DGAT2: variants seen among roughly 807,000 people sequenced by gnomAD.
DGAT2 encodes the protein acyl-CoA retinol O-fatty-acyltransferase.
Under a neutral mutation model 48.4 loss-of-function variants are expected in DGAT2, and 33 were observed. The ratio of observed to expected loss-of-function variants is 0.68; its 90% CI spans 0.52 to 0.91. The LOEUF (loss-of-function observed/expected upper bound fraction) is 0.91, where lower values mean the gene tolerates loss of function less well. Ranked by LOEUF, DGAT2 falls within the 40% of genes least tolerant of loss-of-function variation. DGAT2 has a pLI of 0.00. For missense variants in DGAT2, 446 were observed against 493.7 expected (o/e 0.90, Z 0.92); for synonymous variants, 191 against 194.1 (o/e 0.98, Z 0.13).
At position 75,800,646 on chromosome 11, in the gene DGAT2, G is replaced by T; in HGVS notation, c.*138G>T. ...TTTTGCTAAACCATTACAATGTTAG[G>T]TCTTTTTTAAGAAGGAAAAAGTCAG... On this transcript the variant is annotated 3_prime_UTR_variant, in exon 8 of 8. Transcript: ENST00000228027. 9.0e-7 allele frequency: 1 copy of T among 1,111,056 alleles called. No homozygotes were observed. 68.8% of individuals were successfully genotyped at this position (1,111,056 alleles called of 1,614,324 possible). A position where few individuals can be genotyped will look rare whatever the true frequency, so the allele number is the denominator to read the frequency against.
intron 1 of DGAT2, among the ~76,000 whole-genome samples, chr11:75,770,869 A>T (rs1944750249): frequency 6.6e-6 from 1 of 152,034 alleles, no homozygotes; most frequent in Non-Finnish European, 1.5e-5. Context: ...TGAAATGCAA[A>T]CCAGTCAGTT....
Position 75,768,809 on chromosome 11 carries a change from C to T in DGAT2, c.-183C>T, listed in dbSNP as rs1944725517. 11 of 693,014 alleles carry T rather than the reference C, an allele frequency of 1.6e-5. No individual in the cohort carries two copies. The East Asian group carries it at 3.5e-4, about 22-fold the overall frequency. 42.9% of individuals were successfully genotyped at this position (693,014 alleles called of 1,614,324 possible). A position where few individuals can be genotyped will look rare whatever the true frequency, so the allele number is the denominator to read the frequency against. ...GCTGCCGCCTCTGCTGGGGTCTAGG[C>T]TGTTTCTCTCGCGCCACCACTGGCC... On this transcript the variant is annotated 5_prime_UTR_variant, in exon 1 of 8. Transcript: ENST00000228027.
At position 75,790,186 on chromosome 11, in the gene DGAT2, A is replaced by T. The variant is rs112931759; in HGVS notation, c.251-2A>T. 2 of 1,612,186 alleles carry T rather than the reference A, an allele frequency of 1.2e-6. No homozygotes were observed. Among genetic ancestry groups the T allele is most frequent in the Non-Finnish European group, 1.7e-6 (2 of 1,178,478 alleles). ...CCTGACCTGTGGCCATCTGCCCCCCAGGAGTGGCCTGCAGTGCCATCCTCA... is the reference window on the plus strand; with the variant it reads ...CCTGACCTGTGGCCATCTGCCCCCCTGGAGTGGCCTGCAGTGCCATCCTCA... On this transcript the variant is annotated splice_acceptor_variant, in intron 2 of 7. Transcript: ENST00000228027. LOFTEE classifies it high-confidence loss of function.
At chr11:75,771,121 G>T (rs1167454290) in intron 1 of DGAT2, among the ~76,000 whole-genome samples, 2 of 152,124 alleles carry the variant, frequency 1.3e-5, no homozygotes, top group African/African-American at 4.8e-5. Flanking sequence ...GTCCTGTGAC[G>T]GGTGAGAGAT....
At chr11:75,799,261 G>A (rs901628683) in intron 7 of DGAT2, among the ~76,000 whole-genome samples, 1 of 152,178 alleles carries the variant, frequency 6.6e-6, no homozygotes, top group Admixed American at 6.5e-5. Flanking sequence ...CAATGTGAAG[G>A]AATTTGCTCT....
intron 1 of DGAT2, among the ~76,000 whole-genome samples, chr11:75,777,434 A>G (rs1045847894): frequency 6.6e-6 from 1 of 152,220 alleles, no homozygotes; most frequent in African/African-American, 2.4e-5. Flanking sequence ...CCCATCAAAC[A>G]GGAGAGGACA....
At chr11:75,777,755 G>A (rs1045649919) in intron 1 of DGAT2, among the ~76,000 whole-genome samples, 8 of 152,268 alleles carry the variant, frequency 5.3e-5, no homozygotes, top group East Asian at 1.9e-4. Context: ...TTCGAGAGGC[G>A]TGAGCTGCCC....
At chr11:75,779,414 C>T (rs1944837123) in intron 1 of DGAT2, among the ~76,000 whole-genome samples, 1 of 152,194 alleles carries the variant, frequency 6.6e-6, no homozygotes, top group South Asian at 2.1e-4. Flanking sequence ...CTCCCACACC[C>T]TGACCTCAAG....
intron 2 of DGAT2, among the ~76,000 whole-genome samples, chr11:75,788,300 A>T (rs1324539476): frequency 6.6e-6 from 1 of 152,198 alleles, no homozygotes; most frequent in African/African-American, 2.4e-5. Flanking sequence ...CTTTGTAGGC[A>T]GCCTTTAGAC....
rs1945105002 is a variant in DGAT2, at chr11:75,800,755, C to G, written c.*247C>G. 2.2e-6 allele frequency: 1 copy of G among 453,300 alleles called. No individual in the cohort carries two copies. The highest frequency in any genetic ancestry group is 3.9e-5 in the Admixed American group (1 of 25,910). The allele number at this position is 453,300 out of a possible 1,614,324, so 28.1% of individuals were successfully genotyped here. ...CTAATCTGGGTGGCTCAGCTAACCT[C>G]TCTTCTTCCCTTCCTGAAGTGACAA... is the stretch of plus-strand genomic sequence containing the variant. On this transcript the variant is annotated 3_prime_UTR_variant, in exon 8 of 8. Transcript: ENST00000228027.
In DGAT2 at chr11:75,801,276, T is replaced by C. The variant is rs2135784287; in HGVS notation, c.*768T>C. ...AGCACATGCTTACTGGTGGCCTCAG[T>C]TTACCTTCCCCAGATCCTAGATTCT... On this transcript the variant is annotated 3_prime_UTR_variant, in exon 8 of 8. Coordinates refer to ENST00000228027, the MANE Select transcript of DGAT2 (RefSeq NM_032564.5). 1 of 152,644 alleles carries C rather than the reference T, an allele frequency of 6.6e-6. No individual in the cohort carries two copies. Among genetic ancestry groups the C allele is most frequent in the South Asian group, 2.1e-4 (1 of 4,820 alleles). The allele number at this position is 152,644 out of a possible 1,614,324, so 9.5% of individuals were successfully genotyped here.
intron 1 of DGAT2, among the ~76,000 whole-genome samples, chr11:75,771,746 T>C (rs1717776787): frequency 6.6e-6 from 1 of 152,006 alleles, no homozygotes; most frequent in Non-Finnish European, 1.5e-5. Flanking sequence ...CTACATCACT[T>C]CCCCAGCTGA....
At chr11:75,794,297 A>C (rs1945023848) in intron 4 of DGAT2, 2 of 152,172 alleles carry the variant, frequency 1.3e-5, no homozygotes, top group Non-Finnish European at 2.9e-5. Flanking sequence ...GAGGCTCCCA[A>C]ATCTGGAGTC....
rs1266706952 is a variant in DGAT2 at position 75,797,091 on chromosome 11, CTG to C, written c.635-62_635-61del. ...AGGGTTCTTTATGTTTTATACCTGA[CTG>C]TGTGCCGGGGATGGGGAGTGGATCC... On this transcript the variant is annotated intron_variant, in intron 5 of 7. Coordinates refer to ENST00000228027, the MANE Select transcript of DGAT2 (RefSeq NM_032564.5). 3.6e-6 allele frequency: 5 copies of C among 1,407,228 alleles called. No individual in the cohort carries two copies. The African/African-American group carries it at 4.4e-5, about 12-fold the overall frequency. The allele number at this position is 1,407,228 out of a possible 1,614,324, so 87.2% of individuals were successfully genotyped here.
chr11:75,782,934 C>T (rs1365977769), intron 1 of DGAT2, among the ~76,000 whole-genome samples: 1 of 152,228 alleles, frequency 6.6e-6, no homozygotes, highest in East Asian at 1.9e-4. Flanking sequence ...TTAGGCTATA[C>T]TGGATGACCC....
At chr11:75,798,489 C>G in intron 7 of DGAT2, 60 bp downstream of exon 7, 1 of 1,569,320 alleles carries the variant, frequency 6.4e-7, no homozygotes, top group Non-Finnish European at 8.7e-7. Context: ...TACAGCTAAT[C>G]AGCAGTAGAG....
chr11:75,790,657 G>A lies in DGAT2; in HGVS notation c.359-4G>A, dbSNP rs1944977981. On this transcript the variant is annotated splice_polypyrimidine_tract_variant and splice_region_variant and intron_variant, in intron 3 of 7. Coordinates refer to ENST00000228027, the MANE Select transcript of DGAT2 (RefSeq NM_032564.5). ...CACCAACTCTGTATTTTATTCCCTGGAAGGTGGCAGGAGGTCACAGTGGGT... is the reference window on the plus strand; with the variant it reads ...CACCAACTCTGTATTTTATTCCCTGAAAGGTGGCAGGAGGTCACAGTGGGT... 5.6e-6 allele frequency: 9 copies of A among 1,614,070 alleles called. No individual in the cohort carries two copies. The highest frequency in any genetic ancestry group is 7.6e-6 in the Non-Finnish European group (9 of 1,179,984).
At chr11:75,791,972 C>T (rs556970579) in intron 4 of DGAT2, among the ~76,000 whole-genome samples, 4 of 152,376 alleles carry the variant, frequency 2.6e-5, no homozygotes, top group Admixed American at 2.6e-4. Flanking sequence ...GAAAAGTAAT[C>T]AGTTCTGATT....
intron 1 of DGAT2, among the ~76,000 whole-genome samples, chr11:75,781,246 T>C (rs1043761397): frequency 2.6e-5 from 4 of 152,244 alleles, no homozygotes; most frequent in Non-Finnish European, 5.9e-5. Context: ...GCCTTCTCTT[T>C]CCAAAGGCTT....
Sources: gnomAD v4.1 joint callset for allele counts (sites outside exome capture counted in the v4.1 genomes callset) on GRCh38, gnomAD v4.1.1 for gene constraint, MANE v1.5 for transcripts, NCBI Gene and HGNC (gene_info 2026-07-23, HGNC 2026-07-21) for gene names.